Variants in LRRFIP2 observed in about 807,000 individuals in gnomAD.
LRRFIP2 encodes the protein LRR binding FLII interacting protein 2.
In LRRFIP2, 109 loss-of-function variants were observed where a neutral mutation model predicts 125.9. The observed-to-expected ratio is 0.87, with a 90% CI of 0.74 to 1.01. The LOEUF (loss-of-function observed/expected upper bound fraction) is 1.01. Ranked by LOEUF, LRRFIP2 falls within the 50% of genes least tolerant of loss-of-function variation. The probability of loss-of-function intolerance (pLI) is 0.00; values close to 1 mark genes in which losing one functional copy is unlikely to be tolerated. For synonymous variants in LRRFIP2, 291 were observed against 293.1 expected, an observed-to-expected ratio of 0.99 and a Z score of 0.07; for missense variants, 850 against 862.3, an observed-to-expected ratio of 0.99 and a Z score of 0.18.
rs564609739 is a variant in LRRFIP2, at chr3:37,170,057, C to A, written c.-56+4482G>T. ...AAAGAAAAACTAGTTTATTTTTTCT[C>A]CTCACACTGAATCCTAAATACATTA... is the stretch of plus-strand genomic sequence containing the variant. On this transcript the variant is annotated intron_variant, in intron 1 of 27. Coordinates refer to ENST00000336686, the MANE Select transcript of LRRFIP2 (RefSeq NM_006309.4). 5.9e-5 allele frequency among the ~76,000 whole-genome samples: 9 copies of A among 152,090 alleles called. No individual in the cohort carries two copies. In the South Asian group the frequency reaches 1.9e-3, roughly 32 times the overall value.
Position 37,152,452 on chromosome 3 carries a change from T to A in LRRFIP2, c.-55-3414A>T, listed in dbSNP as rs2096060560. ...CTCCAAAAACTATTGAAATAATTTT[T>A]TTTTTTTGAGACGGAGTCTCGCTCT... is the stretch of plus-strand genomic sequence containing the variant. On this transcript the variant is annotated intron_variant, in intron 1 of 27. Transcript: ENST00000336686. 4.6e-5 allele frequency among the ~76,000 whole-genome samples: 7 copies of A among 152,324 alleles called. No individual in the cohort carries two copies. In the South Asian group the frequency reaches 1.4e-3, roughly 32 times the overall value.
rs778664779 is a variant in LRRFIP2 at position 37,094,907 on chromosome 3, G to A, written c.920C>T (p.Pro307Leu). 3 of 1,580,770 alleles carry A rather than the reference G, an allele frequency of 1.9e-6. No individual in the cohort carries two copies. Among genetic ancestry groups the A allele is most frequent in the Non-Finnish European group, 2.6e-6 (3 of 1,149,796 alleles). ...TGCTGAGGCAGAATTTCGAGATGAAGGCTAGAAAGAGAAATATGACCCTTC... is the reference window on the plus strand; with the variant it reads ...TGCTGAGGCAGAATTTCGAGATGAAAGCTAGAAAGAGAAATATGACCCTTC... ...DKQYAENYTR[P>L]SSRNSASATT... Residue 307 changes from proline (P) to leucine (L), a missense_variant and splice_region_variant, in exon 17 of 28, where the codon CCT becomes CTT. Coordinates refer to ENST00000336686, the MANE Select transcript of LRRFIP2 (RefSeq NM_006309.4).
intron 1 of LRRFIP2, among the ~76,000 whole-genome samples, chr3:37,163,871 G>C (rs1462074089): frequency 6.6e-6 from 1 of 152,198 alleles, no homozygotes; most frequent in Non-Finnish European, 1.5e-5. Context: ...GCCATTAAAG[G>C]ATATCTTGAG....
Position 37,135,196 on chromosome 3 carries a change from C to G in LRRFIP2, c.91-6047G>C, listed in dbSNP as rs1178795341. 2.8e-5 allele frequency: 24 copies of G among 845,226 alleles called. No homozygotes were observed. In the Admixed American group the frequency reaches 3.4e-4, roughly 12 times the overall value. 52.4% of individuals were successfully genotyped at this position (845,226 alleles called of 1,614,324 possible). On this transcript the variant is annotated intron_variant, in intron 2 of 27. Coordinates refer to ENST00000336686, the MANE Select transcript of LRRFIP2 (RefSeq NM_006309.4). ...AAAAAAAAGGCTGGGCACGTTGGCT[C>G]ACACCTGTAATCCTAGCACTTTGGG...
chr3:37,093,205 C>T (rs2093555722), intron 17 of LRRFIP2: 1 of 153,258 alleles, frequency 6.5e-6, no homozygotes, highest in East Asian at 1.9e-4. Flanking sequence ...TGATCAATTA[C>T]TTGTAAACAT....
intron 1 of LRRFIP2, among the ~76,000 whole-genome samples, chr3:37,164,306 T>C (rs1185300503): frequency 6.6e-6 from 1 of 152,208 alleles, no homozygotes; most frequent in African/African-American, 2.4e-5. Context: ...AATTGGAATG[T>C]TGCAGGGAGG....
chr3:37,111,428 T>C (rs1230275815), intron 8 of LRRFIP2, among the ~76,000 whole-genome samples: 1 of 152,240 alleles, frequency 6.6e-6, no homozygotes, highest in Non-Finnish European at 1.5e-5. Context: ...TAAAGAGCTA[T>C]GTATTTGGTT....
chr3:37,117,580 A>G (rs2094848194), intron 6 of LRRFIP2, among the ~76,000 whole-genome samples: 1 of 152,204 alleles, frequency 6.6e-6, no homozygotes, highest in African/African-American at 2.4e-5. Flanking sequence ...TAGAGAAAAA[A>G]GAAAATTTTT....
At chr3:37,081,506 A>G (rs6550449) in intron 19 of LRRFIP2, among the ~76,000 whole-genome samples, 129,187 of 152,034 alleles carry the variant, frequency 0.85, 55,509 homozygotes, top group African/African-American at 0.97. Flanking sequence ...GTATGTTAGA[A>G]AGAGATACTG....
intron 2 of LRRFIP2, among the ~76,000 whole-genome samples, chr3:37,137,017 G>C (rs1363505297): frequency 6.6e-6 from 1 of 151,238 alleles, no homozygotes; most frequent in East Asian, 2.0e-4. Context: ...ACCCAAGCTA[G>C]AGTGCAGTGG....
At chr3:37,176,100 A>T (rs1450456373), upstream of LRRFIP2, 2 of 152,218 alleles carry the variant, frequency 1.3e-5, no homozygotes, top group African/African-American at 4.8e-5. Flanking sequence ...GCTGTCCGGG[A>T]AGGGCCGAAG....
chr3:37,070,663 G>A (rs561256274), intron 21 of LRRFIP2, among the ~76,000 whole-genome samples: 1 of 152,184 alleles, frequency 6.6e-6, no homozygotes, highest in South Asian at 2.1e-4. Flanking sequence ...TTGAACCCAG[G>A]AGGTTGCAGT....
intron 4 of LRRFIP2, among the ~76,000 whole-genome samples, chr3:37,123,203 T>TTG (rs1559950036): frequency 1.3e-4 from 20 of 149,734 alleles, no homozygotes; most frequent in African/African-American, 4.8e-4. Flanking sequence ...TGTTGTTGTT[T>TTG]TTTGAGACGG....
In LRRFIP2 at chr3:37,054,477, A is replaced by G. The variant is rs1291914828; in HGVS notation, c.1989T>C (p.Thr663=). 2.2e-5 allele frequency: 35 copies of G among 1,613,992 alleles called. No individual in the cohort carries two copies. Among genetic ancestry groups the G allele is most frequent in the Non-Finnish European group, 2.7e-5 (32 of 1,180,000 alleles). The part of the protein sequence containing the change: ...RLEGQVLRYK[T]AAENAEKVED... ...CAACTTTCTCAGCATTCTCAGCAGCAGTTTTATATCTCAGAACCTGTCCCT... is the reference window on the plus strand; with the variant it reads ...CAACTTTCTCAGCATTCTCAGCAGCGGTTTTATATCTCAGAACCTGTCCCT... The change falls in exon 27 of 28, where the codon ACT becomes ACC. Residue 663 remains threonine, a synonymous_variant. Coordinates refer to ENST00000336686, the MANE Select transcript of LRRFIP2 (RefSeq NM_006309.4).
At position 37,053,783 on chromosome 3, in the gene LRRFIP2, A is replaced by T. The variant is rs998597243; in HGVS notation, c.*68T>A. The T allele has an allele frequency of 1.3e-5, 13 of 996,062 alleles. No individual in the cohort carries two copies. In the African/African-American group the frequency reaches 1.9e-4, roughly 15 times the overall value. The allele number at this position is 996,062 out of a possible 1,614,324, so 61.7% of individuals were successfully genotyped here. On this transcript the variant is annotated 3_prime_UTR_variant, in exon 28 of 28. Coordinates refer to ENST00000336686, the MANE Select transcript of LRRFIP2 (RefSeq NM_006309.4). ...AACAGTACTAAAAGGGGTTTGTGTC[A>T]ATGGACAAAAGTCAGTCCCTCTAGG...
At chr3:37,074,179 G>C (rs529060559) in intron 20 of LRRFIP2, among the ~76,000 whole-genome samples, 1 of 152,276 alleles carries the variant, frequency 6.6e-6, no homozygotes, top group South Asian at 2.1e-4. Context: ...GGTCCGAGGG[G>C]AAAGAGAGAA....
At position 37,105,527 on chromosome 3, in the gene LRRFIP2, T is replaced by G. The variant is rs745810149; in HGVS notation, c.715-4A>C. 3.1e-6 allele frequency: 5 copies of G among 1,611,480 alleles called. No individual in the cohort carries two copies. The Admixed American group carries it at 8.3e-5, about 27-fold the overall frequency. On this transcript the variant is annotated splice_region_variant and splice_polypyrimidine_tract_variant and intron_variant, in intron 13 of 27. Coordinates refer to ENST00000336686, the MANE Select transcript of LRRFIP2 (RefSeq NM_006309.4). Reference sequence around the variant, plus strand: ...TTGCAGTGTCATCGTTGGTAAACTATAGATATTAAATGCAGATAATGAAAA... The same window carrying G: ...TTGCAGTGTCATCGTTGGTAAACTAGAGATATTAAATGCAGATAATGAAAA...
At chr3:37,070,092 T>C (rs2090899862) in intron 21 of LRRFIP2, among the ~76,000 whole-genome samples, 1 of 151,510 alleles carries the variant, frequency 6.6e-6, no homozygotes, top group African/African-American at 2.4e-5. Context: ...AAAGAATATA[T>C]AGGATCTCTG....
At chr3:37,159,721 G>A (rs1459494735) in intron 1 of LRRFIP2, among the ~76,000 whole-genome samples, 1 of 151,016 alleles carries the variant, frequency 6.6e-6, no homozygotes, top group African/African-American at 2.4e-5. Context: ...TGGCCAGGCT[G>A]TTCTCAAACT....
Sources: gnomAD v4.1 joint callset for allele counts (sites outside exome capture counted in the v4.1 genomes callset) on GRCh38, gnomAD v4.1.1 for gene constraint, MANE v1.5 for transcripts, NCBI Gene and HGNC (gene_info 2026-07-23, HGNC 2026-07-21) for gene names.